OMA1: variants seen among roughly 807,000 people sequenced by gnomAD.
OMA1 encodes OMA1 zinc metallopeptidase.
A neutral mutation model predicts 30.9 loss-of-function variants in OMA1; 38 were observed. The ratio of observed to expected loss-of-function variants is 1.23; its 90% confidence interval spans 0.95 to 1.61. The LOEUF (loss-of-function observed/expected upper bound fraction) is 1.61, where lower values mean the gene tolerates loss of function less well. Ranked by LOEUF, OMA1 falls within the 40% of genes most tolerant of loss-of-function variation. The probability of loss-of-function intolerance (pLI) is 0.00; values close to 1 mark genes in which losing one functional copy is unlikely to be tolerated. For missense variants in OMA1, 461 were observed against 349.2 expected (o/e 1.32, Z -2.55); for synonymous variants, 173 against 121.9 (o/e 1.42, Z -2.76).
rs368182277 is a variant in OMA1, at chr1:58,487,412, G to C, written c.1366-6238C>G. ...ATCGTATTGTCAATTAATGACCCCA[G>C]TCCATAAATTCTTTTAAAGTTATTG... is the stretch of plus-strand genomic sequence containing the variant. On this transcript the variant is annotated intron_variant, in intron 8 of 8. Transcript: ENST00000371226. Among the ~76,000 whole-genome samples, 9 of 152,250 alleles carry C rather than the reference G, an allele frequency of 5.9e-5. No individual in the cohort carries two copies. In the East Asian group the frequency reaches 1.5e-3, roughly 26 times the overall value.
Position 58,534,021 on chromosome 1 carries a change from C to T in OMA1, c.943G>A (p.Val315Ile), listed in dbSNP as rs1646478068. The T allele has an allele frequency of 5.7e-6, 5 of 871,390 alleles. No homozygotes were observed. Among genetic ancestry groups the T allele is most frequent in the East Asian group, 4.8e-5 (2 of 41,646 alleles). 54.0% of individuals were successfully genotyped at this position (871,390 alleles called of 1,614,324 possible). A position where few individuals can be genotyped will look rare whatever the true frequency, so the allele number is the denominator to read the frequency against. Residue 315 changes from valine to isoleucine, a missense_variant, in exon 5 of 9, where the codon GTA becomes ATA. Physicochemically the swap from Val to Ile is conservative, Grantham distance 29. Transcript: ENST00000371226. The stretch of plus-strand genomic sequence containing the variant: ...AAAGAAAGTTGATGAATATCGGTTA[C>T]ACTATTTAAAAATCCAGTGAAAACA... ...MFVFTGFLNS[V>I]TDIHQLSFLL...
intron 6 of OMA1, among the ~76,000 whole-genome samples, chr1:58,528,515 A>G (rs969834682): frequency 4.6e-5 from 7 of 152,320 alleles, no homozygotes; most frequent in African/African-American, 1.7e-4. Flanking sequence ...CTCCAGGGAC[A>G]TTTACAAATG....
intron 1 of OMA1, among the ~76,000 whole-genome samples, chr1:58,543,258 T>A (rs1282349691): frequency 6.6e-6 from 1 of 152,246 alleles, no homozygotes; most frequent in East Asian, 1.9e-4. Flanking sequence ...ACATTTGTTT[T>A]TGTAAATTGA....
At chr1:58,510,376 C>T (rs190704137) in intron 7 of OMA1, among the ~76,000 whole-genome samples, 2 of 152,030 alleles carry the variant, frequency 1.3e-5, no homozygotes, top group Admixed American at 6.6e-5. Flanking sequence ...TAAAAAAACA[C>T]ATGATCATCT....
chr1:58,537,086 G>GTA (rs71779509), intron 2 of OMA1, among the ~76,000 whole-genome samples: 236 of 128,554 alleles, frequency 1.8e-3, no homozygotes, highest in African/African-American at 4.5e-3. Context: ...CTCTCTCTCT[G>GTA]TATATATATA....
chr1:58,511,106 T>C (rs1013713244), intron 7 of OMA1, among the ~76,000 whole-genome samples: 5 of 152,152 alleles, frequency 3.3e-5, no homozygotes, highest in Non-Finnish European at 1.5e-5. Context: ...GGCACTTTTC[T>C]TATAGAAACA....
intron 6 of OMA1, among the ~76,000 whole-genome samples, chr1:58,529,659 T>A (rs531257131): frequency 6.6e-6 from 1 of 152,218 alleles, no homozygotes; most frequent in Admixed American, 6.5e-5. Flanking sequence ...AAAACCCAAA[T>A]ACAGTTGGCT....
At chr1:58,486,522 T>C (rs1179572880) in intron 8 of OMA1, among the ~76,000 whole-genome samples, 1 of 152,208 alleles carries the variant, frequency 6.6e-6, no homozygotes, top group Non-Finnish European at 1.5e-5. Context: ...ATCCTGCCTA[T>C]TATTACACAT....
At chr1:58,529,373 C>CA (rs1646398522) in intron 6 of OMA1, among the ~76,000 whole-genome samples, 1 of 152,122 alleles carries the variant, frequency 6.6e-6, no homozygotes, top group South Asian at 2.1e-4. Context: ...AGATGTAAAA[C>CA]AAAAAAATTA....
intron 1 of OMA1, among the ~76,000 whole-genome samples, chr1:58,540,493 G>C (rs1646589409): frequency 3.3e-5 from 5 of 151,610 alleles, no homozygotes. Flanking sequence ...TACTGCACAT[G>C]TTTAAGAAGC....
chr1:58,481,740 G>A (rs11207238), intron 8 of OMA1, among the ~76,000 whole-genome samples: 27,102 of 151,996 alleles, frequency 0.18, 2,561 homozygotes, highest in African/African-American at 0.23. Context: ...GGTGTTTCCC[G>A]TGCTGTTCTC....
Position 58,494,699 on chromosome 1 carries a change from C to G in OMA1, c.1365+11361G>C, listed in dbSNP as rs990206745. Among the ~76,000 whole-genome samples the G allele has an allele frequency of 2.0e-3, 305 of 152,098 alleles. 11 individuals carry two copies. In the South Asian group the frequency reaches 0.061, roughly 30 times the overall value. ...ATCATCACTGGCCATCAGAGAAATG[C>G]AAATCAAAACCACAATGAGATACCA... On this transcript the variant is annotated intron_variant, in intron 8 of 8. Coordinates refer to ENST00000371226, the MANE Select transcript of OMA1 (RefSeq NM_145243.5).
chr1:58,480,830 T>C lies in OMA1; in HGVS notation c.*135A>G. On this transcript the variant is annotated 3_prime_UTR_variant, in exon 9 of 9. Coordinates refer to ENST00000371226, the MANE Select transcript of OMA1 (RefSeq NM_145243.5). ...AAAATAAATTCTAGAAGAATTTAGA[T>C]AATATCTGTAATGTACATGATTTGA... The C allele has an allele frequency of 1.8e-6, 1 of 549,134 alleles. No individual in the cohort carries two copies. Among genetic ancestry groups the C allele is most frequent in the South Asian group, 3.4e-5 (1 of 29,528 alleles). 34.0% of individuals were successfully genotyped at this position (549,134 alleles called of 1,614,324 possible).
chr1:58,510,582 C>T (rs556428944), intron 7 of OMA1, among the ~76,000 whole-genome samples: 15 of 152,238 alleles, frequency 9.9e-5, no homozygotes, highest in African/African-American at 3.6e-4. Context: ...AATGACCAAT[C>T]TTGCCACTTC....
At position 58,527,285 on chromosome 1, in the gene OMA1, T is replaced by A. The variant is rs187266868; in HGVS notation, c.1191A>T (p.Lys397Asn). ...YSRKLEAEAD[K>N]IGLLLAAKAC... is the part of the protein sequence containing the mutation. Reference sequence around the variant, plus strand: ...CCTTTGCAGCAAGCAGTAGTCCAATTTTGTCAGCTTCGGCCTCCAATTTTC... The same window carrying A: ...CCTTTGCAGCAAGCAGTAGTCCAATATTGTCAGCTTCGGCCTCCAATTTTC... The change falls in exon 7 of 9, where the codon AAA (lysine) becomes AAT (asparagine). Residue 397 changes from lysine to asparagine, a missense_variant. Coordinates refer to ENST00000371226, the MANE Select transcript of OMA1 (RefSeq NM_145243.5). 2.4e-5 allele frequency: 21 copies of A among 872,358 alleles called. No individual in the cohort carries two copies. In the Admixed American group the frequency reaches 3.2e-4, roughly 13 times the overall value. The allele number at this position is 872,358 out of a possible 1,614,324, so 54.0% of individuals were successfully genotyped here. A position where few individuals can be genotyped will look rare whatever the true frequency, so the allele number is the denominator to read the frequency against.
In OMA1 at chr1:58,480,944, T is replaced by G; in HGVS notation, c.*21A>C. 1.2e-6 allele frequency: 1 copy of G among 852,744 alleles called. No homozygotes were observed. Among genetic ancestry groups the G allele is most frequent in the Non-Finnish European group, 2.0e-6 (1 of 492,752 alleles). The allele number at this position is 852,744 out of a possible 1,614,324, so 52.8% of individuals were successfully genotyped here. A position where few individuals can be genotyped will look rare whatever the true frequency, so the allele number is the denominator to read the frequency against. ...AGGACTGCAACATTCTTCATATATC[T>G]TGTGTCTCATAAATTTTAATTCAAC... On this transcript the variant is annotated 3_prime_UTR_variant, in exon 9 of 9. Coordinates refer to ENST00000371226, the MANE Select transcript of OMA1 (RefSeq NM_145243.5).
At chr1:58,534,102 A>T in intron 4 of OMA1, 42 bp from the exon 5 acceptor site, 1 of 867,200 alleles carries the variant, frequency 1.2e-6, no homozygotes. Context: ...AGAACATCAT[A>T]AAAAATAAGG....
At chr1:58,492,213 C>T (rs1234803604) in intron 8 of OMA1, among the ~76,000 whole-genome samples, 1 of 151,916 alleles carries the variant, frequency 6.6e-6, no homozygotes, top group African/African-American at 2.4e-5. Context: ...TCTTTGAAAC[C>T]AACGAGAACA....
At chr1:58,492,985 A>G (rs1385005788) in intron 8 of OMA1, among the ~76,000 whole-genome samples, 1 of 152,208 alleles carries the variant, frequency 6.6e-6, no homozygotes, top group Non-Finnish European at 1.5e-5. Flanking sequence ...TTAGACCAAT[A>G]TCCCTGATGA....
Sources: gnomAD v4.1 joint callset for allele counts (sites outside exome capture counted in the v4.1 genomes callset) on GRCh38, gnomAD v4.1.1 for gene constraint, MANE v1.5 for transcripts, NCBI Gene and HGNC (gene_info 2026-07-23, HGNC 2026-07-21) for gene names.